RGPD1: variants seen among roughly 807,000 people sequenced by gnomAD.
RGPD1 encodes RANBP2 like and GRIP domain containing 1.
A neutral mutation model predicts 40.6 loss-of-function variants in RGPD1; 7 were observed. That is an observed-to-expected ratio of 0.17 (90% confidence interval 0.10 to 0.32). The LOEUF (loss-of-function observed/expected upper bound fraction) is 0.32. Among genes scored for constraint, RGPD1 ranks in the 10% least tolerant of loss-of-function variants. RGPD1 has a pLI of 1.00. For synonymous variants in RGPD1, 24 were observed against 167.0 expected (o/e 0.14, Z 6.60); for missense variants, 50 against 472.5 (o/e 0.11, Z 8.29).
intron 1 of RGPD1, chr2:86,914,033 C>CCTCGGCCTCGGCCCCGGCCTGGCCG (rs1558778631): frequency 1.8e-5 from 1 of 56,776 alleles, no homozygotes; most frequent in African/African-American, 7.0e-5. Flanking sequence ...GCGGCGGCGG[C>CCTCGGCCTCGGCCCCGGCCTGGCCG]GGCGGCGGCG....
At chr2:86,918,781 GT>G (rs1558782166) in intron 1 of RGPD1, among the ~76,000 whole-genome samples, 1 of 120,118 alleles carries the variant, frequency 8.3e-6, no homozygotes, top group Non-Finnish European at 1.7e-5. Flanking sequence ...TTTAAAACTT[GT>G]TTTTTGTCTT....
intron 21 of RGPD1, among the ~76,000 whole-genome samples, chr2:86,997,023 A>G (rs1230952801): frequency 7.0e-6 from 1 of 143,374 alleles, no homozygotes; most frequent in Non-Finnish European, 1.5e-5. Flanking sequence ...TTTCAACTCC[A>G]TTTCCATGAT....
At chr2:86,963,682 GT>G (rs1331989176) in intron 7 of RGPD1, among the ~76,000 whole-genome samples, 1 of 36,222 alleles carries the variant, frequency 2.8e-5, no homozygotes, top group Non-Finnish European at 4.4e-5. Context: ...TGGCTGTATT[GT>G]GTATATGTAA....
chr2:86,930,657 T>C, intron 1 of RGPD1: 1 of 1,611,198 alleles, frequency 6.2e-7, no homozygotes, highest in Admixed American at 1.7e-5. Context: ...GTAGGGCTGG[T>C]TGTTCACTCC....
chr2:86,914,410 A>G (rs865853574), intron 1 of RGPD1, among the ~76,000 whole-genome samples: 8 of 1,266 alleles, frequency 6.3e-3, no homozygotes, highest in African/African-American at 0.034. Context: ...GGCGGCCTCG[A>G]CCTGGCCGGG....
At chr2:86,941,538 C>T (rs1679749645), upstream of RGPD1, among the ~76,000 whole-genome samples, 1 of 149,270 alleles carries the variant, frequency 6.7e-6, no homozygotes, top group African/African-American at 2.5e-5. Flanking sequence ...AGCCACTGTG[C>T]CAGGCGAATG....
intron 20 of RGPD1, among the ~76,000 whole-genome samples, chr2:86,993,191 C>T (rs2104847258): frequency 6.6e-6 from 1 of 152,274 alleles, no homozygotes; most frequent in Non-Finnish European, 1.5e-5. Context: ...CTTTGAAGAA[C>T]CTTCGAGAAA....
At chr2:86,914,174 CTGG>C (rs1677613695) in intron 1 of RGPD1, among the ~76,000 whole-genome samples, 3 of 56,660 alleles carry the variant, frequency 5.3e-5, no homozygotes, top group Non-Finnish European at 7.1e-5. Flanking sequence ...CGGCCTCGGC[CTGG>C]CCGGACGGCG....
Position 86,913,821 on chromosome 2 carries a change from C to G in RGPD1, c.-29C>G. 1.9e-6 allele frequency: 3 copies of G among 1,550,034 alleles called. 1 individual carries two copies. The highest frequency in any genetic ancestry group is 2.6e-6 in the Non-Finnish European group (3 of 1,146,150). On this transcript the variant is annotated 5_prime_UTR_variant, in exon 1 of 23. Transcript: ENST00000398193. Reference sequence around the variant, plus strand: ...GCTGCGGGGCTGAGCGCTGGTTTCACGCGTCTCGGGAGCCAGGTTGGCGGT... The same window carrying G: ...GCTGCGGGGCTGAGCGCTGGTTTCAGGCGTCTCGGGAGCCAGGTTGGCGGT...
intron 22 of RGPD1, among the ~76,000 whole-genome samples, chr2:87,000,284 TACTC>T (rs1239928774): frequency 1.5e-5 from 2 of 136,010 alleles, no homozygotes; most frequent in Non-Finnish European, 3.0e-5. Flanking sequence ...TATCTCAAAA[TACTC>T]AGCATGTCTA....
At chr2:86,939,172 A>C (rs1679550761), upstream of RGPD1, among the ~76,000 whole-genome samples, 2 of 96,698 alleles carry the variant, frequency 2.1e-5, no homozygotes, top group Admixed American at 2.2e-4. Flanking sequence ...ATACCACTGA[A>C]CAAAAAAAAA....
intron 1 of RGPD1, among the ~76,000 whole-genome samples, chr2:86,943,907 G>C (rs543322929): frequency 2.6e-5 from 4 of 152,112 alleles, no homozygotes; most frequent in Non-Finnish European, 5.9e-5. Flanking sequence ...CCAGCTACCC[G>C]GGAGGCTGAG....
intron 1 of RGPD1, among the ~76,000 whole-genome samples, chr2:86,918,196 T>C (rs1447921045): frequency 1.3e-5 from 2 of 151,092 alleles, no homozygotes; most frequent in East Asian, 3.9e-4. Context: ...ACTTATACCA[T>C]CTACTCTGTT....
chr2:87,000,372 G>T (rs986064572), intron 22 of RGPD1, among the ~76,000 whole-genome samples: 1 of 107,544 alleles, frequency 9.3e-6, no homozygotes, highest in Non-Finnish European at 1.8e-5. Context: ...ATAAGTTAAG[G>T]GTCCATTGAT....
upstream of RGPD1, among the ~76,000 whole-genome samples, chr2:86,941,802 T>C (rs1679780990): frequency 6.7e-6 from 1 of 150,002 alleles, no homozygotes; most frequent in African/African-American, 2.5e-5. Flanking sequence ...CCCTCGCCTC[T>C]CAGTTTCAAG....
At chr2:86,923,502 TAA>T (rs1284806852) in intron 1 of RGPD1, among the ~76,000 whole-genome samples, 4 of 151,738 alleles carry the variant, frequency 2.6e-5, no homozygotes, top group African/African-American at 9.7e-5. Flanking sequence ...TATAACTCCA[TAA>T]AATTTCCTTG....
At chr2:86,944,897 A>C (rs913105761) in intron 1 of RGPD1, among the ~76,000 whole-genome samples, 2 of 149,336 alleles carry the variant, frequency 1.3e-5, no homozygotes, top group Admixed American at 6.7e-5. Flanking sequence ...TTTTTTCTTT[A>C]ATGTAGAGAC....
chr2:86,936,094 C>T (rs919859127), intron 1 of RGPD1, among the ~76,000 whole-genome samples: 1 of 135,164 alleles, frequency 7.4e-6, no homozygotes, highest in Admixed American at 7.3e-5. Flanking sequence ...CAAGCTCCAC[C>T]TCCCGGGTTC....
intron 1 of RGPD1, among the ~76,000 whole-genome samples, chr2:86,944,095 C>T (rs908577295): frequency 6.6e-6 from 1 of 152,064 alleles, no homozygotes; most frequent in Non-Finnish European, 1.5e-5. Flanking sequence ...CTTATCATAA[C>T]TAAGCATACG....
Sources: gnomAD v4.1 joint callset for allele counts (sites outside exome capture counted in the v4.1 genomes callset) on GRCh38, gnomAD v4.1.1 for gene constraint, MANE v1.5 for transcripts, NCBI Gene and HGNC (gene_info 2026-07-23, HGNC 2026-07-21) for gene names.